Variants in LRP1B observed in about 807,000 individuals in gnomAD.
The protein encoded by LRP1B is LDL receptor related protein 1B, also known as low-density lipoprotein receptor-related protein 1B.
LRP1B carries 217 observed loss-of-function variants against 556.6 expected under a neutral mutation model. That is an observed-to-expected ratio of 0.39 (90% CI 0.35 to 0.44). The LOEUF (loss-of-function observed/expected upper bound fraction) is 0.44, where lower values mean the gene tolerates loss of function less well. Ranked by LOEUF, LRP1B falls within the 20% of genes least tolerant of loss-of-function variation. The pLI, the probability that LRP1B is intolerant of heterozygous loss-of-function variation, is 1.00. For synonymous variants in LRP1B, 2,047 were observed against 1,865.8 expected (o/e 1.10, Z -2.50); for missense variants, 5,053 against 5,620.8 (o/e 0.90, Z 3.23).
chr2:140,771,666 G>A (rs1415278195), intron 33 of LRP1B, among the ~76,000 whole-genome samples: 2 of 152,142 alleles, frequency 1.3e-5, no homozygotes, highest in Non-Finnish European at 2.9e-5. Flanking sequence ...AATCCCTGCT[G>A]AAGATGTTCC....
chr2:140,526,280 G>C lies in LRP1B; in HGVS notation c.7833C>G (p.Asn2611Lys), dbSNP rs765255365. The C allele has an allele frequency of 6.2e-7, 1 of 1,611,918 alleles. No individual in the cohort carries two copies. The highest frequency in any genetic ancestry group is 8.5e-7 in the Non-Finnish European group (1 of 1,178,598). Residue 2611 changes from asparagine to lysine, a missense_variant, in exon 48 of 91, where the codon AAC (asparagine) becomes AAG (lysine). Physicochemically the swap from Asn to Lys is moderately conservative, Grantham distance 94 (BLOSUM62 0). Around this residue, in one of 5 missense-constraint regions of LRP1B, gnomAD observed 3,619 missense variants for 3,931.9 expected, o/e 0.92. Coordinates refer to ENST00000389484, the MANE Select transcript of LRP1B (RefSeq NM_018557.3). ...GTCIPRSARC[N>K]QNIDCADASD... ...AAGCATCTGCACAATCTATGTTCTG[G>C]TTGCATCGTGCTGATCTTGGAATAC...
chr2:140,573,751 C>T (rs1389568005), intron 43 of LRP1B, among the ~76,000 whole-genome samples: 1 of 151,930 alleles, frequency 6.6e-6, no homozygotes, highest in East Asian at 1.9e-4. Flanking sequence ...TTTCCTAAGG[C>T]CCTCTTAATA....
chr2:140,330,596 G>A (rs1680756615), intron 79 of LRP1B, among the ~76,000 whole-genome samples: 2 of 152,054 alleles, frequency 1.3e-5, no homozygotes, highest in Admixed American at 6.6e-5. Flanking sequence ...AGACTTAAAT[G>A]TAAAACCCAA....
intron 3 of LRP1B, among the ~76,000 whole-genome samples, chr2:141,443,827 T>A (rs1681078392): frequency 6.6e-6 from 1 of 152,212 alleles, no homozygotes; most frequent in African/African-American, 2.4e-5. Context: ...TTTTGATTAA[T>A]GTAGCCTTGC....
chr2:141,566,506 G>A (rs1686336107), intron 2 of LRP1B, among the ~76,000 whole-genome samples: 1 of 152,140 alleles, frequency 6.6e-6, no homozygotes, highest in African/African-American at 2.4e-5. Context: ...CAGTGTAACT[G>A]GCATGCAAAT....
At chr2:140,686,429 A>T (rs1044523233) in intron 41 of LRP1B, among the ~76,000 whole-genome samples, 19 of 152,080 alleles carry the variant, frequency 1.2e-4, no homozygotes, top group Non-Finnish European at 2.4e-4. Flanking sequence ...GAAGATTGAT[A>T]AGAAAAGTAG....
chr2:141,955,901 C>G (rs1393824292), intron 1 of LRP1B, among the ~76,000 whole-genome samples: 2 of 151,924 alleles, frequency 1.3e-5, no homozygotes, highest in Admixed American at 6.6e-5. Flanking sequence ...TATACATAAT[C>G]CATTTATAAA....
intron 71 of LRP1B, among the ~76,000 whole-genome samples, chr2:140,367,782 C>T (rs756881996): frequency 3.3e-5 from 5 of 151,704 alleles, no homozygotes; most frequent in Non-Finnish European, 7.4e-5. Context: ...TAAATCTCAT[C>T]GCATGCTCCA....
intron 2 of LRP1B, among the ~76,000 whole-genome samples, chr2:141,555,230 T>G (rs780399544): frequency 6.6e-6 from 1 of 151,938 alleles, no homozygotes; most frequent in Non-Finnish European, 1.5e-5. Context: ...AACAAGGAGC[T>G]GGTGAGGCAC....
intron 1 of LRP1B, among the ~76,000 whole-genome samples, chr2:142,103,885 G>A (rs1290701314): frequency 6.6e-6 from 1 of 152,018 alleles, no homozygotes; most frequent in Non-Finnish European, 1.5e-5. Context: ...TGCCAATCCA[G>A]GATTCATTAG....
chr2:140,302,541 G>A (rs1683880427), intron 83 of LRP1B, among the ~76,000 whole-genome samples: 1 of 152,168 alleles, frequency 6.6e-6, no homozygotes, highest in South Asian at 2.1e-4. Context: ...TGGGCAAAGG[G>A]ATGCCAAAGT....
intron 1 of LRP1B, among the ~76,000 whole-genome samples, chr2:141,829,323 A>C (rs948681104): frequency 1.3e-5 from 2 of 151,894 alleles, no homozygotes; most frequent in African/African-American, 4.8e-5. Context: ...TGAGTAAAAA[A>C]CTCTTTCTTG....
rs142828229 is a variant in LRP1B at position 141,676,265 on chromosome 2, G to T, written c.205+134014C>A. Among the ~76,000 whole-genome samples, 585 of 152,150 alleles carry T rather than the reference G, an allele frequency of 3.8e-3. 5 individuals are homozygous for T. The highest frequency in any genetic ancestry group is 0.014 in the African/African-American group (567 of 41,538). Reference sequence around the variant, plus strand: ...ATGTTTGTATCCCCAGTGCCAAGCAGTGACCATTACGTAGTCAAAAATCAA... The same window carrying T: ...ATGTTTGTATCCCCAGTGCCAAGCATTGACCATTACGTAGTCAAAAATCAA... On this transcript the variant is annotated intron_variant, in intron 2 of 90. Coordinates refer to ENST00000389484, the MANE Select transcript of LRP1B (RefSeq NM_018557.3).
intron 79 of LRP1B, among the ~76,000 whole-genome samples, chr2:140,327,477 A>ATGT (rs1680549940): frequency 6.6e-6 from 1 of 152,044 alleles, no homozygotes; most frequent in African/African-American, 2.4e-5. Flanking sequence ...ATGTAAGAAG[A>ATGT]TATGTTTTTG....
intron 71 of LRP1B, among the ~76,000 whole-genome samples, chr2:140,365,571 T>A (rs967272973): frequency 1.3e-5 from 2 of 151,662 alleles, no homozygotes; most frequent in African/African-American, 4.8e-5. Context: ...TGGGTCCCAG[T>A]CTTGCTTTGG....
chr2:140,400,878 G>A (rs781133499), intron 66 of LRP1B, among the ~76,000 whole-genome samples: 1 of 152,140 alleles, frequency 6.6e-6, no homozygotes, highest in Non-Finnish European at 1.5e-5. Flanking sequence ...CATGTCACAG[G>A]GGAAGGCCTT....
intron 18 of LRP1B, among the ~76,000 whole-genome samples, chr2:140,977,922 C>T (rs1360702159): frequency 2.0e-5 from 3 of 152,128 alleles, no homozygotes; most frequent in African/African-American, 7.2e-5. Context: ...ATTTTATTGA[C>T]AACTTAAGTT....
At chr2:141,016,299 T>A (rs574597857) in intron 12 of LRP1B, among the ~76,000 whole-genome samples, 1 of 152,104 alleles carries the variant, frequency 6.6e-6, no homozygotes, top group Admixed American at 6.6e-5. Flanking sequence ...TAATCAATTA[T>A]GTGATTAAAA....
At chr2:140,671,920 T>C (rs1026840895) in intron 41 of LRP1B, among the ~76,000 whole-genome samples, 1 of 152,160 alleles carries the variant, frequency 6.6e-6, no homozygotes, top group Non-Finnish European at 1.5e-5. Context: ...GTATATTCCA[T>C]ACCAAGGTCC....
Sources: gnomAD v4.1 joint callset for allele counts (sites outside exome capture counted in the v4.1 genomes callset) on GRCh38, gnomAD v4.1.1 for gene constraint, gnomAD v4.1.1 regional missense constraint, MANE v1.5 for transcripts, NCBI Gene and HGNC (gene_info 2026-07-23, HGNC 2026-07-21) for gene names.